The following GTF2B variants were observed in gnomAD, a reference collection of about 807,000 sequenced individuals.
GTF2B encodes transcription initiation factor IIB.
GTF2B carries 20 observed loss-of-function variants against 34.6 expected under a neutral mutation model. The observed-to-expected ratio is 0.58, with a 90% CI of 0.41 to 0.84. The LOEUF (loss-of-function observed/expected upper bound fraction) is 0.84. GTF2B is among the 40% of genes least tolerant of loss of function. The pLI, the probability that GTF2B is intolerant of heterozygous loss-of-function variation, is 0.00. For synonymous variants in GTF2B, 142 were observed against 132.4 expected, an observed-to-expected ratio of 1.07 and a Z score of -0.50; for missense variants, 237 against 393.3, an observed-to-expected ratio of 0.60 and a Z score of 3.36.
intron 2 of GTF2B, among the ~76,000 whole-genome samples, chr1:88,874,582 A>C (rs1673774085): frequency 7.2e-6 from 1 of 139,244 alleles, no homozygotes; most frequent in South Asian, 2.2e-4. Flanking sequence ...GCCCCAAGTG[A>C]TCCTCCCGCC....
intron 2 of GTF2B, among the ~76,000 whole-genome samples, chr1:88,873,872 A>T (rs1673755357): frequency 6.6e-6 from 1 of 152,184 alleles, no homozygotes; most frequent in Admixed American, 6.6e-5. Flanking sequence ...GGAAACTGGG[A>T]AATAGGGTCT....
At chr1:88,873,179 TAAG>T (rs1423013963) in intron 2 of GTF2B, among the ~76,000 whole-genome samples, 1 of 147,586 alleles carries the variant, frequency 6.8e-6, no homozygotes, top group African/African-American at 2.5e-5. Context: ...AGGATTCCAT[TAAG>T]TTTTTTTTTT....
At chr1:88,888,267 G>A (rs1028374221) in intron 1 of GTF2B, among the ~76,000 whole-genome samples, 4 of 152,172 alleles carry the variant, frequency 2.6e-5, no homozygotes, top group Non-Finnish European at 5.9e-5. Flanking sequence ...TTGGGGTAAA[G>A]TTTCTCATGC....
At chr1:88,883,297 C>G (rs1416066534) in intron 2 of GTF2B, among the ~76,000 whole-genome samples, 1 of 152,184 alleles carries the variant, frequency 6.6e-6, no homozygotes, top group Non-Finnish European at 1.5e-5. Flanking sequence ...TTACTCTTGG[C>G]CCCGAGTTCA....
At chr1:88,863,854 T>C (rs923920489) in intron 3 of GTF2B, 127 bp downstream of exon 3, 1 of 752,324 alleles carries the variant, frequency 1.3e-6, no homozygotes, top group Non-Finnish European at 2.3e-6. Context: ...ATGATATTAC[T>C]GGCAAATCTT....
intron 2 of GTF2B, among the ~76,000 whole-genome samples, chr1:88,884,770 T>G (rs1190658452): frequency 1.3e-5 from 2 of 152,256 alleles, no homozygotes; most frequent in Non-Finnish European, 2.9e-5. Context: ...CTTACTGTAT[T>G]CTTTTAACAC....
At chr1:88,860,392 A>T (rs1673407356) in intron 3 of GTF2B, 106 bp from the exon 4 acceptor site, 1 of 757,530 alleles carries the variant, frequency 1.3e-6, no homozygotes, top group Non-Finnish European at 2.2e-6. Context: ...ATAGACCAGA[A>T]ATCTGAATTG....
intron 1 of GTF2B, chr1:88,887,594 G>C (rs1460889318): frequency 1.1e-5 from 5 of 443,484 alleles, no homozygotes; most frequent in Non-Finnish European, 2.1e-5. Context: ...ATTGTGGAAG[G>C]CTTTCAAAAC....
intron 2 of GTF2B, among the ~76,000 whole-genome samples, chr1:88,866,188 C>A (rs926948345): frequency 6.6e-6 from 1 of 151,838 alleles, no homozygotes; most frequent in African/African-American, 2.4e-5. Context: ...ATGGTGAAAC[C>A]CTGTCTCTAC....
chr1:88,887,103 G>C (rs1456861625), intron 2 of GTF2B, among the ~76,000 whole-genome samples, 158 bp downstream of exon 2: 2 of 152,020 alleles, frequency 1.3e-5, no homozygotes, highest in Non-Finnish European at 2.9e-5. Flanking sequence ...ATTTTCAGTA[G>C]AGATGGGGTT....
intron 2 of GTF2B, among the ~76,000 whole-genome samples, chr1:88,876,263 A>T (rs1483580483): frequency 6.6e-6 from 1 of 152,200 alleles, no homozygotes; most frequent in Non-Finnish European, 1.5e-5. Flanking sequence ...ACATACTATA[A>T]TTGGAGCATT....
chr1:88,888,801 G>A (rs1223609866), intron 1 of GTF2B, among the ~76,000 whole-genome samples: 1 of 152,180 alleles, frequency 6.6e-6, no homozygotes, highest in Non-Finnish European at 1.5e-5. Flanking sequence ...CTAGACAGCA[G>A]AATACATATG....
chr1:88,863,913 A>T (rs1673494768), intron 3 of GTF2B, 68 bp downstream of exon 3: 2 of 1,469,048 alleles, frequency 1.4e-6, no homozygotes, highest in Non-Finnish European at 1.9e-6. Flanking sequence ...ATACTTTTGC[A>T]AAGTTCCCAA....
At chr1:88,857,634 G>A (rs1431480495) in intron 5 of GTF2B, 147 bp from the exon 6 acceptor site, 1 of 505,522 alleles carries the variant, frequency 2.0e-6, no homozygotes, top group Non-Finnish European at 3.5e-6. Context: ...TCATCTCAGT[G>A]ATACTTCCCA....
intron 1 of GTF2B, among the ~76,000 whole-genome samples, chr1:88,891,138 G>C (rs1674192451): frequency 7.2e-6 from 1 of 138,434 alleles, no homozygotes; most frequent in African/African-American, 2.7e-5. Context: ...GGGGCGCGGG[G>C]GAGGAGAGGA....
chr1:88,874,964 AT>A (rs1277591935), intron 2 of GTF2B, among the ~76,000 whole-genome samples: 5 of 152,004 alleles, frequency 3.3e-5, no homozygotes, highest in Non-Finnish European at 5.9e-5. Context: ...TTGGAAAACT[AT>A]TTTAAGTCAA....
chr1:88,854,314 T>TA (rs1386601127), intron 6 of GTF2B, among the ~76,000 whole-genome samples: 1 of 152,164 alleles, frequency 6.6e-6, no homozygotes, highest in Non-Finnish European at 1.5e-5. Flanking sequence ...TTTTCACTGA[T>TA]ACAAGCACAT....
rs1396519995 is a variant in GTF2B, at chr1:88,852,779, C to A, written c.*434G>T. On this transcript the variant is annotated 3_prime_UTR_variant, in exon 7 of 7. Coordinates refer to ENST00000370500, the MANE Select transcript of GTF2B (RefSeq NM_001514.6). Reference sequence around the variant, plus strand: ...TATGATGTTGATGTTAACAATGGTTCTCAAAAGCTTTTGCTCTTTCCATAA... The same window carrying A: ...TATGATGTTGATGTTAACAATGGTTATCAAAAGCTTTTGCTCTTTCCATAA... Among the ~76,000 whole-genome samples the A allele has an allele frequency of 1.3e-5, 2 of 152,048 alleles. No homozygotes were observed. The highest frequency in any genetic ancestry group is 4.8e-5 in the African/African-American group (2 of 41,430).
At chr1:88,858,122 C>T (rs1480009422) in intron 5 of GTF2B, among the ~76,000 whole-genome samples, 1 of 151,860 alleles carries the variant, frequency 6.6e-6, no homozygotes, top group African/African-American at 2.4e-5. Flanking sequence ...TCTCCTGCCA[C>T]CCGAGTAGTT....
Sources: allele counts gnomAD v4.1 joint callset (sites outside exome capture counted in the v4.1 genomes callset), GRCh38; gene constraint gnomAD v4.1.1; transcripts MANE v1.5; gene names NCBI Gene and HGNC (gene_info 2026-07-23, HGNC 2026-07-21).